Variants in CHST8 observed in about 807,000 individuals in gnomAD.
The protein encoded by CHST8 is carbohydrate sulfotransferase 8.
A neutral mutation model predicts 15.0 loss-of-function variants in CHST8; 10 were observed. That is an observed-to-expected ratio of 0.67 (90% CI 0.41 to 1.13). The LOEUF is 1.13. Among genes scored for constraint, CHST8 ranks in the 50% most tolerant of loss-of-function variants. The pLI is 0.00. For synonymous variants in CHST8, 259 were observed against 256.6 expected (o/e 1.01, Z -0.09); for missense variants, 634 against 608.2 (o/e 1.04, Z -0.45).
intron 1 of CHST8, among the ~76,000 whole-genome samples, chr19:33,640,344 G>T (rs1600230327): frequency 6.6e-6 from 1 of 152,222 alleles, no homozygotes; most frequent in African/African-American, 2.4e-5. Flanking sequence ...AACCCTGTGG[G>T]GACAGTTTCA....
At chr19:33,735,965 G>A (rs748501088) in intron 3 of CHST8, among the ~76,000 whole-genome samples, 3 of 152,210 alleles carry the variant, frequency 2.0e-5, no homozygotes, top group Non-Finnish European at 4.4e-5. Flanking sequence ...CCGCCACCTG[G>A]CAATGTCCTT....
rs149663537 is a variant in CHST8 at position 33,771,981 on chromosome 19, G to A, written c.193G>A (p.Asp65Asn). Reference sequence around the variant, plus strand: ...GGACCTCCCACCAGGCGGCTCCCAGGATGGTGACTTGAAGGAACCCACAGA... The same window carrying A: ...GGACCTCCCACCAGGCGGCTCCCAGAATGGTGACTTGAAGGAACCCACAGA... Reference protein sequence around the residue: ...HHDLPPGGSQDGDLKEPTERV... With the variant: ...HHDLPPGGSQNGDLKEPTERV... Residue 65 changes from aspartate to asparagine, a missense_variant, in exon 5 of 5, where the codon GAT becomes AAT. Physicochemically the swap from Asp to Asn is conservative, Grantham distance 23 (BLOSUM62 1). Coordinates refer to ENST00000650847, the MANE Select transcript of CHST8 (RefSeq NM_001127895.2). 1.3e-6 allele frequency: 2 copies of A among 1,579,310 alleles called. No individual in the cohort carries two copies. The highest frequency in any genetic ancestry group is 1.7e-6 in the Non-Finnish European group (2 of 1,165,846).
rs150382877 is a variant in CHST8, at chr19:33,699,892, G to A, written c.130+10501G>A. Among the ~76,000 whole-genome samples the A allele has an allele frequency of 6.7e-3, 1,017 of 152,282 alleles. 19 individuals are homozygous for A. Among genetic ancestry groups the A allele is most frequent in the African/African-American group, 0.023 (950 of 41,558 alleles). ...TGAGACAAATGCCAGGACAAATGTC[G>A]TGGGTGGGCCAGGACCACAGGAGCG... On this transcript the variant is annotated intron_variant, in intron 3 of 4. Transcript: ENST00000650847.
chr19:33,688,239 A>T (rs1031124082), intron 2 of CHST8, among the ~76,000 whole-genome samples: 1 of 152,228 alleles, frequency 6.6e-6, no homozygotes, highest in Non-Finnish European at 1.5e-5. Flanking sequence ...GGGTGCCCCC[A>T]TCTCCATGCA....
intron 3 of CHST8, among the ~76,000 whole-genome samples, chr19:33,696,847 T>G (rs1225334769): frequency 6.6e-6 from 1 of 151,880 alleles, no homozygotes; most frequent in Non-Finnish European, 1.5e-5. Context: ...TTTAAGTTTT[T>G]TTTTTTTTTT....
chr19:33,629,855 G>A (rs1002460382), intron 1 of CHST8, among the ~76,000 whole-genome samples: 1 of 152,234 alleles, frequency 6.6e-6, no homozygotes, highest in Non-Finnish European at 1.5e-5. Context: ...CCCAGAGGGC[G>A]GCCTCTCCAG....
intron 3 of CHST8, among the ~76,000 whole-genome samples, chr19:33,755,787 A>C (rs1470152484): frequency 6.6e-6 from 1 of 152,190 alleles, no homozygotes; most frequent in Non-Finnish European, 1.5e-5. Flanking sequence ...GGAAGCAGGA[A>C]AACAGCTCAG....
chr19:33,750,669 A>G (rs1015919563), intron 3 of CHST8, among the ~76,000 whole-genome samples: 7 of 152,214 alleles, frequency 4.6e-5, no homozygotes, highest in African/African-American at 1.7e-4. Context: ...AAACCAGGCA[A>G]AGCAAAATAG....
intron 3 of CHST8, among the ~76,000 whole-genome samples, chr19:33,713,681 C>A (rs1973603411): frequency 6.6e-6 from 1 of 152,096 alleles, no homozygotes; most frequent in African/African-American, 2.4e-5. Flanking sequence ...CCCTGTCTAC[C>A]TCCTAAATAG....
chr19:33,772,500 A>G lies in CHST8; in HGVS notation c.712A>G (p.Thr238Ala). 6.2e-7 allele frequency: 1 copy of G among 1,613,796 alleles called. No homozygotes were observed. Among genetic ancestry groups the G allele is most frequent in the Non-Finnish European group, 8.5e-7 (1 of 1,180,006 alleles). Reference protein sequence around the residue: ...HYGSALKRLDTFDRQGILHRL... With the variant: ...HYGSALKRLDAFDRQGILHRL... ...TGGCAGCGCTCTCAAGCGCCTGGAC[A>G]CCTTCGACCGCCAGGGTATCTTGCA... is the stretch of plus-strand genomic sequence containing the variant. The change falls in exon 5 of 5, where the codon ACC becomes GCC. Residue 238 changes from threonine to alanine, a missense_variant. Physicochemically the swap from Thr to Ala is moderately conservative, Grantham distance 58 (BLOSUM62 0). Coordinates refer to ENST00000650847, the MANE Select transcript of CHST8 (RefSeq NM_001127895.2).
intron 3 of CHST8, among the ~76,000 whole-genome samples, chr19:33,752,955 A>G (rs542146035): frequency 6.6e-6 from 1 of 152,216 alleles, no homozygotes; most frequent in African/African-American, 2.4e-5. Flanking sequence ...TTCAACAAAG[A>G]TGGGCAAAGG....
chr19:33,749,305 A>C (rs1974370056), intron 3 of CHST8, among the ~76,000 whole-genome samples: 1 of 152,112 alleles, frequency 6.6e-6, no homozygotes, highest in Non-Finnish European at 1.5e-5. Context: ...TAGTGGCTAA[A>C]TATGTGTATA....
chr19:33,764,255 C>A lies in CHST8; in HGVS notation c.131-7158C>A, dbSNP rs775272304. 5.8e-4 allele frequency among the ~76,000 whole-genome samples: 89 copies of A among 152,294 alleles called. 1 individual carries two copies. Among genetic ancestry groups the A allele is most frequent in the Non-Finnish European group, 1.1e-3 (77 of 68,020 alleles). On this transcript the variant is annotated intron_variant, in intron 3 of 4. Transcript: ENST00000650847. ...GCCCTGCCCCAAACACACCGAGAAC[C>A]AACAACCCTTCACTACTGATCAGCA...
At chr19:33,729,017 A>C (rs1973950691) in intron 3 of CHST8, among the ~76,000 whole-genome samples, 1 of 151,904 alleles carries the variant, frequency 6.6e-6, no homozygotes, top group African/African-American at 2.4e-5. Flanking sequence ...GTTGAGAAAG[A>C]CTCTGGCACA....
intron 3 of CHST8, 86 bp from the exon 4 acceptor site, chr19:33,771,327 G>A (rs1228687506): frequency 3.0e-6 from 4 of 1,345,068 alleles, no homozygotes; most frequent in Non-Finnish European, 4.3e-6. Flanking sequence ...CAGCCTGGAT[G>A]TCCACAGCCA....
At chr19:33,747,568 C>T (rs1014716637) in intron 3 of CHST8, among the ~76,000 whole-genome samples, 56 of 152,088 alleles carry the variant, frequency 3.7e-4, no homozygotes, top group African/African-American at 1.3e-3. Context: ...CATACACACA[C>T]ACACACATAC....
At chr19:33,727,910 G>A (rs1973931481) in intron 3 of CHST8, among the ~76,000 whole-genome samples, 1 of 152,212 alleles carries the variant, frequency 6.6e-6, no homozygotes. Context: ...GCTGGGCTGT[G>A]CCTTCTGTGG....
intron 3 of CHST8, among the ~76,000 whole-genome samples, chr19:33,702,307 G>A (rs911087186): frequency 6.6e-6 from 1 of 152,164 alleles, no homozygotes; most frequent in Non-Finnish European, 1.5e-5. Context: ...TTAAGGTAAG[G>A]GGTCTTGCTC....
chr19:33,638,526 G>T (rs997574059), intron 1 of CHST8, among the ~76,000 whole-genome samples: 8 of 152,074 alleles, frequency 5.3e-5, no homozygotes, highest in African/African-American at 1.9e-4. Flanking sequence ...CACCTTGGCC[G>T]GCCACAGTGC....
Sources: allele counts gnomAD v4.1 joint callset (sites outside exome capture counted in the v4.1 genomes callset), GRCh38; gene constraint gnomAD v4.1.1; transcripts MANE v1.5; gene names NCBI Gene and HGNC (gene_info 2026-07-23, HGNC 2026-07-21).